The following DISC1 variants were observed in gnomAD, a reference collection of about 807,000 sequenced individuals.
The protein encoded by DISC1 is disrupted in schizophrenia 1 protein.
A neutral mutation model predicts 84.5 loss-of-function variants in DISC1; 57 were observed. The observed-to-expected ratio is 0.67, with a 90% CI of 0.55 to 0.84. DISC1 has a LOEUF of 0.84. Ranked by LOEUF, DISC1 falls within the 40% of genes least tolerant of loss-of-function variation. The probability of loss-of-function intolerance (pLI) is 0.00; values close to 1 mark genes in which losing one functional copy is unlikely to be tolerated. For missense variants in DISC1, 1,000 were observed against 1,057.8 expected (o/e 0.95, Z 0.76); for synonymous variants, 411 against 415.2 (o/e 0.99, Z 0.12).
intron 9 of DISC1, chr1:231,818,795 C>G (rs1190160043): frequency 2.4e-6 from 3 of 1,260,928 alleles, no homozygotes; most frequent in Non-Finnish European, 3.0e-6. Context: ...TTAGAGCAGT[C>G]TCTCCCTTGG....
rs112589287 is a variant in DISC1 at position 231,683,061 on chromosome 1, G to A, written c.68-10765G>A. ...ATGGAAAGGGGAAATCCTATGTAGG[G>A]TAGAAGATTTAGAACAGAGGCATGG... On this transcript the variant is annotated intron_variant, in intron 1 of 12. Transcript: ENST00000439617. Among the ~76,000 whole-genome samples the A allele has an allele frequency of 5.9e-5, 9 of 152,320 alleles. No individual in the cohort carries two copies. The East Asian group carries it at 1.7e-3, about 29-fold the overall frequency.
At chr1:231,961,446 G>A (rs543581211) in intron 10 of DISC1, among the ~76,000 whole-genome samples, 10 of 152,194 alleles carry the variant, frequency 6.6e-5, no homozygotes, top group South Asian at 2.1e-4. Flanking sequence ...TGGATGTATC[G>A]TGCGATGCTG....
At chr1:231,666,183 C>A (rs1175636079) in intron 1 of DISC1, among the ~76,000 whole-genome samples, 4 of 151,736 alleles carry the variant, frequency 2.6e-5, no homozygotes, top group Non-Finnish European at 5.9e-5. Flanking sequence ...ACTGCTCACT[C>A]AGGTTGAGTT....
intron 10 of DISC1, among the ~76,000 whole-genome samples, chr1:232,007,052 T>C (rs1346442518): frequency 1.3e-5 from 2 of 152,206 alleles, no homozygotes; most frequent in African/African-American, 4.8e-5. Context: ...AAGTCAAGAA[T>C]TGAGGTTTGG....
chr1:231,790,166 G>A (rs1223996904), intron 6 of DISC1, among the ~76,000 whole-genome samples: 1 of 152,154 alleles, frequency 6.6e-6, no homozygotes, highest in Non-Finnish European at 1.5e-5. Flanking sequence ...CGTGTTTTCT[G>A]TTGGACCTGC....
chr1:231,677,703 G>A (rs2063294361), intron 1 of DISC1, among the ~76,000 whole-genome samples: 1 of 152,228 alleles, frequency 6.6e-6, no homozygotes, highest in African/African-American at 2.4e-5. Context: ...TTCATGCCAG[G>A]TGCGGTGGCT....
chr1:231,759,828 A>G (rs1167419694), intron 4 of DISC1, among the ~76,000 whole-genome samples: 1 of 152,176 alleles, frequency 6.6e-6, no homozygotes, highest in Non-Finnish European at 1.5e-5. Flanking sequence ...CAGGAGACCA[A>G]CTCCAGACCC....
intron 6 of DISC1, among the ~76,000 whole-genome samples, chr1:231,782,037 A>T (rs1011141776): frequency 6.6e-6 from 1 of 152,224 alleles, no homozygotes; most frequent in Non-Finnish European, 1.5e-5. Context: ...ACCCAAAGCA[A>T]AGCCAGACAG....
chr1:231,759,554 A>G (rs1573574683), intron 4 of DISC1, among the ~76,000 whole-genome samples: 1 of 149,268 alleles, frequency 6.7e-6, no homozygotes, highest in African/African-American at 2.5e-5. Context: ...AAAAAAAACA[A>G]AACTAGCCAA....
At position 231,800,124 on chromosome 1, in the gene DISC1, A is replaced by G. The variant is rs756813350; in HGVS notation, c.1706A>G (p.Lys569Arg). 1 of 1,611,350 alleles carries G rather than the reference A, an allele frequency of 6.2e-7. No individual in the cohort carries two copies. Among genetic ancestry groups the G allele is most frequent in the East Asian group, 2.2e-5 (1 of 44,714 alleles). Residue 569 changes from lysine to arginine, a missense_variant, in exon 8 of 13, where the codon AAA becomes AGA. Lys to Arg is a conservative substitution (Grantham distance 26). This residue lies in a region of DISC1 where 397 missense variants were observed against 377.5 expected (regional missense o/e 1.05). Transcript: ENST00000439617. ...EITTKVCMSE[K>R]FCSTLRKKVN... The stretch of plus-strand genomic sequence containing the variant: ...TCCCCCTAGGTGTGTATGAGTGAGA[A>G]ATTCTGCAGCACCCTGAGGAAGAAA...
rs2125620491 is a variant in DISC1 at position 231,796,921 on chromosome 1, T to C, written c.1689+1625T>C. Among the ~76,000 whole-genome samples the C allele has an allele frequency of 2.6e-5, 4 of 152,302 alleles. No homozygotes were observed. The South Asian group carries it at 8.3e-4, about 32-fold the overall frequency. ...CAGTAGAGACCAGGTCTTGCTAGGT[T>C]GCCCAGGCTGGTCTTGAACTTCTGA... is the stretch of plus-strand genomic sequence containing the variant. On this transcript the variant is annotated intron_variant, in intron 7 of 12. Transcript: ENST00000439617.
intron 9 of DISC1, among the ~76,000 whole-genome samples, chr1:231,884,118 A>T (rs568487832): frequency 6.6e-6 from 1 of 152,154 alleles, no homozygotes; most frequent in Admixed American, 6.5e-5. Context: ...GGACCCGGCC[A>T]CTCAGTGCGG....
At chr1:231,888,550 A>G (rs528558364) in intron 9 of DISC1, among the ~76,000 whole-genome samples, 12 of 151,664 alleles carry the variant, frequency 7.9e-5, no homozygotes, top group African/African-American at 2.9e-4. Flanking sequence ...CCTGGCTAAC[A>G]CGGTGAAACC....
At chr1:231,843,288 G>C (rs2083210730) in intron 9 of DISC1, among the ~76,000 whole-genome samples, 1 of 152,196 alleles carries the variant, frequency 6.6e-6, no homozygotes, top group Non-Finnish European at 1.5e-5. Context: ...GTTTAGTGGG[G>C]CTGCGTTGTT....
intron 5 of DISC1, 122 bp from the exon 6 acceptor site, chr1:231,770,713 G>A (rs1428417244): frequency 2.6e-6 from 4 of 1,511,224 alleles, no homozygotes; most frequent in Non-Finnish European, 3.6e-6. Context: ...GCCTGCCTCA[G>A]AAGGGGAGTT....
At chr1:231,918,344 A>T (rs564171848) in intron 9 of DISC1, among the ~76,000 whole-genome samples, 1 of 152,354 alleles carries the variant, frequency 6.6e-6, no homozygotes, top group African/African-American at 2.4e-5. Flanking sequence ...TACAGAGGAT[A>T]GACTCAGAGC....
chr1:231,845,569 G>A (rs1472505427), intron 9 of DISC1, among the ~76,000 whole-genome samples: 1 of 152,154 alleles, frequency 6.6e-6, no homozygotes, highest in Non-Finnish European at 1.5e-5. Flanking sequence ...CCCCAGCTGT[G>A]CTCAGCAGCC....
chr1:231,716,316 C>CAAAAAAAAAA (rs397861600), intron 3 of DISC1, among the ~76,000 whole-genome samples: 1 of 82,760 alleles, frequency 1.2e-5, no homozygotes, highest in Non-Finnish European at 2.4e-5. Flanking sequence ...TTTCAATCTG[C>CAAAAAAAAAA]AAAAAAAAAA....
rs1372024080 is a variant in DISC1 at position 231,630,138 on chromosome 1, T to C, written c.67+3204T>C. 6.6e-6 allele frequency among the ~76,000 whole-genome samples: 1 copy of C among 152,014 alleles called. No homozygotes were observed. The highest frequency in any genetic ancestry group is 1.5e-5 in the Non-Finnish European group (1 of 67,972). ...TACAGACAGGGTTTCACCATGTTGATCAGCATGGTCTCGATCTCCTGACCT... is the reference window on the plus strand; with the variant it reads ...TACAGACAGGGTTTCACCATGTTGACCAGCATGGTCTCGATCTCCTGACCT... On this transcript the variant is annotated intron_variant, in intron 1 of 12. Transcript: ENST00000439617. The surrounding 1 kb of genome is among the most constrained non-coding windows in gnomAD (Gnocchi z 4.4).
Sources: gnomAD v4.1 joint callset for allele counts (sites outside exome capture counted in the v4.1 genomes callset) on GRCh38, gnomAD v4.1.1 for gene constraint, gnomAD v4.1.1 regional missense constraint, Gnocchi (gnomAD v3.1) non-coding constraint, MANE v1.5 for transcripts, NCBI Gene and HGNC (gene_info 2026-07-23, HGNC 2026-07-21) for gene names.